The following DLG2 variants were observed in gnomAD, a reference collection of about 807,000 sequenced individuals.
DLG2 encodes the protein discs large MAGUK scaffold protein 2, also known as disks large homolog 2.
DLG2 carries 45 observed loss-of-function variants against 132.5 expected under a neutral mutation model. That is an observed-to-expected ratio of 0.34 (90% CI 0.27 to 0.44). The LOEUF (loss-of-function observed/expected upper bound fraction) is 0.44. DLG2 is among the 20% of genes least tolerant of loss of function. The probability of loss-of-function intolerance (pLI) is 1.00; values close to 1 mark genes in which losing one functional copy is unlikely to be tolerated. For synonymous variants in DLG2, 424 were observed against 419.6 expected, an observed-to-expected ratio of 1.01 and a Z score of -0.13; for missense variants, 1,045 against 1,196.9, an observed-to-expected ratio of 0.87 and a Z score of 1.87.
intron 6 of DLG2, among the ~76,000 whole-genome samples, chr11:85,071,633 C>T (rs942416219): frequency 6.6e-6 from 1 of 151,620 alleles, no homozygotes; most frequent in Non-Finnish European, 1.5e-5. Flanking sequence ...TTTATGACAG[C>T]CAACTCCAAA....
chr11:85,007,231 A>G (rs1462156799), intron 6 of DLG2, among the ~76,000 whole-genome samples: 1 of 152,174 alleles, frequency 6.6e-6, no homozygotes, highest in Non-Finnish European at 1.5e-5. Context: ...ATATGAAGAT[A>G]ATATTGGTAC....
intron 16 of DLG2, among the ~76,000 whole-genome samples, chr11:83,865,413 T>C (rs1235833330): frequency 3.3e-5 from 5 of 151,612 alleles, no homozygotes; most frequent in African/African-American, 1.2e-4. Context: ...GTAAATTATA[T>C]TGCACTATGC....
chr11:84,354,934 G>A (rs1176268460), intron 7 of DLG2, among the ~76,000 whole-genome samples: 1 of 152,092 alleles, frequency 6.6e-6, no homozygotes, highest in African/African-American at 2.4e-5. Flanking sequence ...ATTTAAAAAA[G>A]GACATTACCT....
intron 7 of DLG2, among the ~76,000 whole-genome samples, chr11:84,320,369 G>A (rs2098397751): frequency 6.6e-6 from 1 of 152,068 alleles, no homozygotes; most frequent in Non-Finnish European, 1.5e-5. Context: ...TATGCATATG[G>A]GAAATGAAAA....
chr11:83,930,273 C>G, intron 15 of DLG2, 55 bp downstream of exon 15: 1 of 1,595,810 alleles, frequency 6.3e-7, no homozygotes, highest in Non-Finnish European at 8.6e-7. Context: ...ACCCATTTAT[C>G]CTTGTGGAAG....
At chr11:84,727,919 C>T (rs2062683058) in intron 6 of DLG2, among the ~76,000 whole-genome samples, 1 of 152,136 alleles carries the variant, frequency 6.6e-6, no homozygotes, top group African/African-American at 2.4e-5. Context: ...TATAGAAATG[C>T]TTGTGATTTT....
chr11:85,488,621 T>C (rs1041393975), intron 3 of DLG2, among the ~76,000 whole-genome samples: 2 of 152,118 alleles, frequency 1.3e-5, no homozygotes, highest in African/African-American at 4.8e-5. Context: ...AGGTATCAAG[T>C]TACCTATAAA....
chr11:85,071,660 C>A (rs1167700277), intron 6 of DLG2, among the ~76,000 whole-genome samples: 1 of 151,514 alleles, frequency 6.6e-6, no homozygotes, highest in African/African-American at 2.4e-5. Flanking sequence ...TATATGTTTC[C>A]ACTAAATGAA....
At chr11:85,389,079 A>G (rs2086586385) in intron 3 of DLG2, among the ~76,000 whole-genome samples, 1 of 152,152 alleles carries the variant, frequency 6.6e-6, no homozygotes, top group Admixed American at 6.5e-5. Flanking sequence ...AGAAAGGTGA[A>G]GTCCAAATAA....
intron 5 of DLG2, among the ~76,000 whole-genome samples, chr11:85,148,114 T>C (rs191483105): frequency 7.9e-4 from 121 of 152,322 alleles, no homozygotes; most frequent in African/African-American, 2.6e-3. Context: ...TATTATTCCA[T>C]GGTGTGTATA....
intron 4 of DLG2, among the ~76,000 whole-genome samples, chr11:85,192,667 C>T (rs1453595688): frequency 6.6e-6 from 1 of 152,114 alleles, no homozygotes; most frequent in Admixed American, 6.5e-5. Flanking sequence ...TTAATATTTC[C>T]TTAGATTATA....
intron 9 of DLG2, among the ~76,000 whole-genome samples, chr11:84,106,299 T>C (rs1566523998): frequency 6.6e-6 from 1 of 152,132 alleles, no homozygotes; most frequent in African/African-American, 2.4e-5. Flanking sequence ...CATTACTTGT[T>C]AAAATTATTT....
intron 6 of DLG2, among the ~76,000 whole-genome samples, chr11:84,786,635 T>C (rs767675577): frequency 1.7e-4 from 26 of 152,204 alleles, no homozygotes; most frequent in Non-Finnish European, 3.4e-4. Flanking sequence ...GCCTTCTTCC[T>C]GTAAGATCTG....
At chr11:84,035,688 C>T (rs568680514) in intron 11 of DLG2, among the ~76,000 whole-genome samples, 1 of 152,036 alleles carries the variant, frequency 6.6e-6, no homozygotes, top group Non-Finnish European at 1.5e-5. Context: ...GTTGATATAC[C>T]CTAATTTATG....
chr11:83,874,370 T>G (rs772723018), intron 16 of DLG2, 50 bp downstream of exon 16: 7 of 1,321,806 alleles, frequency 5.3e-6, no homozygotes, highest in African/African-American at 4.5e-5. Context: ...AAAGGAAGAC[T>G]TCATATTCCA....
At chr11:84,502,881 T>A (rs2099225421) in intron 7 of DLG2, among the ~76,000 whole-genome samples, 2 of 151,976 alleles carry the variant, frequency 1.3e-5, no homozygotes, top group South Asian at 4.1e-4. Context: ...ATCTGGACAA[T>A]AAAGTAAATG....
At position 84,366,387 on chromosome 11, in the gene DLG2, A is replaced by G. The variant is rs554591818; in HGVS notation, c.520-115096T>C. On this transcript the variant is annotated intron_variant, in intron 7 of 27. Coordinates refer to ENST00000376104, the MANE Select transcript of DLG2 (RefSeq NM_001142699.3). ...CCAAAATGTAAAGACCATCGAGACTAGGAAGAAACTGCATCAACTAACGAG... is the reference window on the plus strand; with the variant it reads ...CCAAAATGTAAAGACCATCGAGACTGGGAAGAAACTGCATCAACTAACGAG... 5.3e-5 allele frequency among the ~76,000 whole-genome samples: 8 copies of G among 152,168 alleles called. No individual in the cohort carries two copies. The South Asian group carries it at 6.2e-4, about 12-fold the overall frequency.
At chr11:84,208,686 AGAAAATGGTGTTTTG>A (rs1353687958) in intron 8 of DLG2, among the ~76,000 whole-genome samples, 5 of 152,314 alleles carry the variant, frequency 3.3e-5, no homozygotes, top group Middle Eastern at 3.4e-3. Flanking sequence ...AGAAAAATAA[AGAAAATGGTGTTTTG>A]GCTGAAAACT....
intron 12 of DLG2, among the ~76,000 whole-genome samples, chr11:83,965,928 T>G (rs1018885571): frequency 6.6e-6 from 1 of 152,056 alleles, no homozygotes; most frequent in Non-Finnish European, 1.5e-5. Flanking sequence ...ACTAGTTGTT[T>G]GTAGCAGCAA....
Sources: allele counts gnomAD v4.1 joint callset (sites outside exome capture counted in the v4.1 genomes callset), GRCh38; gene constraint gnomAD v4.1.1; transcripts MANE v1.5; gene names NCBI Gene and HGNC (gene_info 2026-07-23, HGNC 2026-07-21).